ROBO1: variants seen among roughly 807,000 people sequenced by gnomAD.
ROBO1 encodes roundabout guidance receptor 1, also known as roundabout homolog 1.
Under a neutral mutation model 195.9 loss-of-function variants are expected in ROBO1, and 149 were observed. That is an observed-to-expected ratio of 0.76 (90% CI 0.67 to 0.87). The LOEUF (loss-of-function observed/expected upper bound fraction) is 0.87, where lower values mean the gene tolerates loss of function less well. Ranked by LOEUF, ROBO1 falls within the 40% of genes least tolerant of loss-of-function variation. The probability of loss-of-function intolerance (pLI) is 0.00; values close to 1 mark genes in which losing one functional copy is unlikely to be tolerated. For synonymous variants in ROBO1, 816 were observed against 733.2 expected, an observed-to-expected ratio of 1.11 and a Z score of -1.82; for missense variants, 1,933 against 2,068.3, an observed-to-expected ratio of 0.93 and a Z score of 1.27.
intron 4 of ROBO1, among the ~76,000 whole-genome samples, chr3:78,794,739 T>C (rs998352145): frequency 6.6e-6 from 1 of 152,108 alleles, no homozygotes; most frequent in Non-Finnish European, 1.5e-5. Context: ...TGTACCATCA[T>C]GCCTGGCTAA....
At chr3:78,718,989 A>G (rs2081978485) in intron 5 of ROBO1, among the ~76,000 whole-genome samples, 1 of 152,228 alleles carries the variant, frequency 6.6e-6, no homozygotes, top group Non-Finnish European at 1.5e-5. Flanking sequence ...GTCCCCTCAC[A>G]GTTTTGAATG....
intron 3 of ROBO1, among the ~76,000 whole-genome samples, chr3:79,051,385 T>A (rs1441948052): frequency 6.6e-6 from 1 of 152,070 alleles, no homozygotes; most frequent in Non-Finnish European, 1.5e-5. Context: ...AATAGACAAA[T>A]AACAGGCTTT....
intron 1 of ROBO1, among the ~76,000 whole-genome samples, chr3:79,750,070 G>T (rs956780973): frequency 1.3e-5 from 2 of 152,234 alleles, no homozygotes; most frequent in Non-Finnish European, 2.9e-5. Context: ...AGGCACAGGG[G>T]TGGAGCTGCC....
intron 2 of ROBO1, among the ~76,000 whole-genome samples, chr3:79,444,864 G>T (rs1298295385): frequency 1.3e-5 from 2 of 151,912 alleles, no homozygotes; most frequent in Non-Finnish European, 2.9e-5. Context: ...CATATACAAA[G>T]ATTCCTTTCA....
intron 3 of ROBO1, among the ~76,000 whole-genome samples, chr3:79,084,473 G>A (rs1251630722): frequency 6.6e-6 from 1 of 152,104 alleles, no homozygotes; most frequent in Non-Finnish European, 1.5e-5. Flanking sequence ...CTCCAGCCTG[G>A]GCAACAAGAG....
intron 2 of ROBO1, among the ~76,000 whole-genome samples, chr3:79,347,485 T>A (rs2109249978): frequency 6.6e-6 from 1 of 152,318 alleles, no homozygotes; most frequent in Non-Finnish European, 1.5e-5. Flanking sequence ...AATGATGACA[T>A]GATAAGTGAA....
intron 2 of ROBO1, among the ~76,000 whole-genome samples, chr3:79,445,942 G>A (rs1356065502): frequency 2.6e-5 from 4 of 151,904 alleles, no homozygotes; most frequent in Non-Finnish European, 4.4e-5. Flanking sequence ...GTGAGCCACC[G>A]CGCCCGGCCA....
intron 4 of ROBO1, among the ~76,000 whole-genome samples, chr3:78,850,828 TG>T (rs1289816502): frequency 6.6e-6 from 1 of 151,954 alleles, no homozygotes; most frequent in African/African-American, 2.4e-5. Context: ...CTTTTTGAGA[TG>T]GTGTTTCACT....
intron 29 of ROBO1, among the ~76,000 whole-genome samples, chr3:78,605,006 C>T (rs915953003): frequency 3.9e-5 from 6 of 152,200 alleles, no homozygotes; most frequent in Admixed American, 2.0e-4. Context: ...ATTTCCTCCT[C>T]ATCCCAAACT....
At chr3:79,670,779 T>C (rs1348680764) in intron 1 of ROBO1, among the ~76,000 whole-genome samples, 7 of 151,748 alleles carry the variant, frequency 4.6e-5, no homozygotes, top group Admixed American at 4.0e-4. Flanking sequence ...CAAATAAGTG[T>C]AAAGAAGAGA....
chr3:79,109,211 C>G (rs1211618608), intron 3 of ROBO1, among the ~76,000 whole-genome samples: 2 of 151,014 alleles, frequency 1.3e-5, no homozygotes, highest in African/African-American at 4.9e-5. Context: ...GGTACTTATT[C>G]AAAGTTCTGT....
chr3:79,378,714 C>T (rs1048788644), intron 2 of ROBO1, among the ~76,000 whole-genome samples: 7 of 152,152 alleles, frequency 4.6e-5, no homozygotes, highest in East Asian at 3.9e-4. Flanking sequence ...TATATTTTCA[C>T]GCCTTTACAC....
intron 2 of ROBO1, among the ~76,000 whole-genome samples, chr3:79,230,207 C>A (rs1236343118): frequency 6.6e-6 from 1 of 152,156 alleles, no homozygotes. Context: ...CCTACTAAAG[C>A]CCAGTCTCCC....
At chr3:78,793,255 C>A (rs1248829264) in intron 4 of ROBO1, among the ~76,000 whole-genome samples, 1 of 151,908 alleles carries the variant, frequency 6.6e-6, no homozygotes, top group Admixed American at 6.6e-5. Context: ...AATACGAGTT[C>A]ATTAAATCTC....
chr3:78,752,796 C>T (rs2082830306), intron 4 of ROBO1, among the ~76,000 whole-genome samples: 1 of 152,158 alleles, frequency 6.6e-6, no homozygotes, highest in Non-Finnish European at 1.5e-5. Flanking sequence ...AACATCAATT[C>T]TGTATAAAGT....
intron 4 of ROBO1, among the ~76,000 whole-genome samples, chr3:78,877,894 G>A (rs2035947805): frequency 6.6e-6 from 1 of 152,136 alleles, no homozygotes; most frequent in East Asian, 1.9e-4. Flanking sequence ...CACATTGAAA[G>A]TTTTACACCT....
intron 2 of ROBO1, among the ~76,000 whole-genome samples, chr3:79,204,823 T>C (rs760691896): frequency 6.6e-6 from 1 of 152,242 alleles, no homozygotes; most frequent in Non-Finnish European, 1.5e-5. Context: ...TTGTTAGTCT[T>C]TGGAGTTTCC....
rs879628808 is a variant in ROBO1, at chr3:79,250,231, C to T, written c.89-124692G>A. ...TAAGTAGAGGAAATATTAAGGAGCA[C>T]AGTAATGGTCACTATTTTTAAAGAA... On this transcript the variant is annotated intron_variant, in intron 2 of 30. Coordinates refer to ENST00000464233, the MANE Select transcript of ROBO1 (RefSeq NM_002941.4). 3.3e-5 allele frequency among the ~76,000 whole-genome samples: 5 copies of T among 152,080 alleles called. No individual in the cohort carries two copies. In the East Asian group the frequency reaches 9.6e-4, roughly 29 times the overall value.
intron 4 of ROBO1, among the ~76,000 whole-genome samples, chr3:78,884,648 A>AAGGAAGGAAGGAAGG (rs2036413307): frequency 9.3e-6 from 1 of 107,526 alleles, no homozygotes; most frequent in Non-Finnish European, 1.9e-5. Context: ...AGAAAGAAAG[A>AAGGAAGGAAGGAAGG]AAGGAAGGAA....
Sources: gnomAD v4.1 joint callset for allele counts (sites outside exome capture counted in the v4.1 genomes callset) on GRCh38, gnomAD v4.1.1 for gene constraint, MANE v1.5 for transcripts, NCBI Gene and HGNC (gene_info 2026-07-23, HGNC 2026-07-21) for gene names.